Variants in NRG1 observed in about 807,000 individuals in gnomAD.
The protein encoded by NRG1 is neuregulin 1, also known as pro-neuregulin-1, membrane-bound isoform.
Under a neutral mutation model 63.8 loss-of-function variants are expected in NRG1, and 18 were observed. The ratio of observed to expected loss-of-function variants is 0.28; its 90% CI spans 0.19 to 0.42. NRG1 has a LOEUF of 0.42. Ranked by LOEUF, NRG1 falls within the 10% of genes least tolerant of loss-of-function variation. The pLI is 1.00. For missense variants in NRG1, 762 were observed against 814.7 expected (o/e 0.94, Z 0.79); for synonymous variants, 302 against 301.3 (o/e 1.00, Z -0.02).
chr8:31,975,436 G>C (rs533495077), intron 1 of NRG1, among the ~76,000 whole-genome samples: 12 of 152,276 alleles, frequency 7.9e-5, no homozygotes, highest in African/African-American at 2.9e-4. Flanking sequence ...ATTTTCTGAA[G>C]CAGAATTTTA....
At chr8:31,673,543 A>G (rs1018339981) in intron 1 of NRG1, among the ~76,000 whole-genome samples, 5 of 152,184 alleles carry the variant, frequency 3.3e-5, no homozygotes, top group Non-Finnish European at 5.9e-5. Flanking sequence ...TTAATAAGTC[A>G]TTGAGTTCTA....
intron 1 of NRG1, among the ~76,000 whole-genome samples, chr8:31,803,726 TC>T (rs1444770040): frequency 6.6e-6 from 1 of 152,208 alleles, no homozygotes; most frequent in Non-Finnish European, 1.5e-5. Context: ...TAGAATGACT[TC>T]CATTGCACTT....
chr8:32,553,976 A>G (rs1834626036), intron 1 of NRG1, among the ~76,000 whole-genome samples: 1 of 152,190 alleles, frequency 6.6e-6, no homozygotes, highest in African/African-American at 2.4e-5. Flanking sequence ...GTAACAAGTT[A>G]AATTGGATTT....
rs543662835 is a variant in NRG1, at chr8:32,610,817, A to C, written c.401-3697A>C. ...GCTTACAAAGACCAGTTGGGTTTTC[A>C]TATAACAAAGGATCTCATAGGCAGT... On this transcript the variant is annotated intron_variant, in intron 3 of 11. Coordinates refer to ENST00000356819, the Ensembl canonical transcript of NRG1. 4.1e-4 allele frequency among the ~76,000 whole-genome samples: 62 copies of C among 152,292 alleles called. 1 individual carries two copies. In the South Asian group the frequency reaches 0.013, roughly 31 times the overall value.
intron 1 of NRG1, among the ~76,000 whole-genome samples, chr8:31,875,943 C>T (rs1829878800): frequency 6.6e-6 from 1 of 152,022 alleles, no homozygotes; most frequent in African/African-American, 2.4e-5. Flanking sequence ...GGTTTGTGTT[C>T]TGGGAATCTG....
chr8:31,792,663 T>C (rs537864549), intron 1 of NRG1, among the ~76,000 whole-genome samples: 1 of 152,380 alleles, frequency 6.6e-6, no homozygotes, highest in East Asian at 1.9e-4. Flanking sequence ...AAGTCTGTAC[T>C]GGACATTGAA....
chr8:32,645,280 CAAAT>C (rs1853274928), intron 5 of NRG1, among the ~76,000 whole-genome samples: 1 of 152,150 alleles, frequency 6.6e-6, no homozygotes, highest in Admixed American at 6.5e-5. Context: ...GCTTTGAAGT[CAAAT>C]AAACCTAGAA....
intron 1 of NRG1, among the ~76,000 whole-genome samples, chr8:31,909,058 AAGTT>A (rs1832740763): frequency 6.6e-6 from 1 of 152,194 alleles, no homozygotes; most frequent in African/African-American, 2.4e-5. Flanking sequence ...CATCTCACCT[AAGTT>A]AGTGGATATT....
At chr8:31,810,566 G>C (rs1822787936) in intron 1 of NRG1, among the ~76,000 whole-genome samples, 1 of 152,060 alleles carries the variant, frequency 6.6e-6, no homozygotes, top group African/African-American at 2.4e-5. Flanking sequence ...TCACCTAGTA[G>C]CTCTTTCTCT....
intron 1 of NRG1, among the ~76,000 whole-genome samples, chr8:32,056,496 T>C (rs1489820413): frequency 1.3e-5 from 2 of 152,190 alleles, no homozygotes; most frequent in African/African-American, 4.8e-5. Context: ...ATAGTATTGA[T>C]TCATCGAGCC....
At chr8:31,819,387 A>G (rs1258662223) in intron 1 of NRG1, among the ~76,000 whole-genome samples, 1 of 152,248 alleles carries the variant, frequency 6.6e-6, no homozygotes, top group Non-Finnish European at 1.5e-5. Flanking sequence ...ATAGGAGTTC[A>G]ACACTATAGG....
intron 1 of NRG1, among the ~76,000 whole-genome samples, chr8:31,672,951 GTTTT>G (rs5890593): frequency 7.0e-6 from 1 of 143,080 alleles, no homozygotes; most frequent in African/African-American, 2.6e-5. Flanking sequence ...TAGAATCATA[GTTTT>G]TTTTTTTTTT....
chr8:32,713,506 A>C (rs1486828623), intron 5 of NRG1, among the ~76,000 whole-genome samples: 2 of 151,694 alleles, frequency 1.3e-5, no homozygotes, highest in Non-Finnish European at 2.9e-5. Context: ...AGAAATGTTG[A>C]ATTTTCACAA....
chr8:32,240,839 T>A (rs1374592699), intron 1 of NRG1, among the ~76,000 whole-genome samples: 6 of 152,144 alleles, frequency 3.9e-5, no homozygotes, highest in Admixed American at 3.9e-4. Flanking sequence ...TTTTTTATTT[T>A]GAGATTTAAT....
chr8:31,698,626 G>C (rs1810324499), intron 1 of NRG1, among the ~76,000 whole-genome samples: 2 of 152,150 alleles, frequency 1.3e-5, no homozygotes, highest in Admixed American at 1.3e-4. Flanking sequence ...CTAATGTATA[G>C]AATTAGGAAG....
chr8:31,857,480 G>T (rs998934524), intron 1 of NRG1, among the ~76,000 whole-genome samples: 4 of 152,206 alleles, frequency 2.6e-5, no homozygotes, highest in African/African-American at 4.8e-5. Context: ...CTCGCGCAGG[G>T]TATGCGCACC....
intron 1 of NRG1, among the ~76,000 whole-genome samples, chr8:32,384,087 C>T (rs1033068540): frequency 1.3e-5 from 2 of 151,916 alleles, no homozygotes; most frequent in Non-Finnish European, 2.9e-5. Flanking sequence ...AATAGAAAAA[C>T]ATAGCCAGGA....
chr8:32,010,624 A>G (rs1275359624), intron 1 of NRG1, among the ~76,000 whole-genome samples: 2 of 152,114 alleles, frequency 1.3e-5, no homozygotes, highest in Non-Finnish European at 2.9e-5. Flanking sequence ...AGTGTCAATC[A>G]GTCAAATTGA....
chr8:32,659,260 C>T (rs1280584978), intron 5 of NRG1, among the ~76,000 whole-genome samples: 1 of 151,634 alleles, frequency 6.6e-6, no homozygotes, highest in Non-Finnish European at 1.5e-5. Context: ...TCTCCTGCCT[C>T]ATTCTCCCGA....
Sources: gnomAD v4.1 joint callset for allele counts (sites outside exome capture counted in the v4.1 genomes callset) on GRCh38, gnomAD v4.1.1 for gene constraint, MANE v1.5 for transcripts, NCBI Gene and HGNC (gene_info 2026-07-23, HGNC 2026-07-21) for gene names.